Variants in SNX29 observed in about 807,000 individuals in gnomAD.
The protein encoded by SNX29 is sorting nexin-29.
In SNX29, 78 loss-of-function variants were observed where a neutral mutation model predicts 102.1. That is an observed-to-expected ratio of 0.76 (90% confidence interval 0.64 to 0.92). SNX29 has a LOEUF of 0.92. Ranked by LOEUF, SNX29 falls within the 40% of genes least tolerant of loss-of-function variation. The pLI is 0.00. For missense variants in SNX29, 1,280 were observed against 1,061.7 expected, an observed-to-expected ratio of 1.21 and a Z score of -2.86; for synonymous variants, 580 against 414.5, an observed-to-expected ratio of 1.40 and a Z score of -4.85.
intron 14 of SNX29, among the ~76,000 whole-genome samples, chr16:12,230,945 C>T (rs563183253): frequency 6.6e-6 from 1 of 152,230 alleles, no homozygotes; most frequent in African/African-American, 2.4e-5. Flanking sequence ...CTCTTGGGTT[C>T]AAGCGATTCT....
chr16:12,335,625 A>G (rs979825987), intron 15 of SNX29, among the ~76,000 whole-genome samples: 2 of 152,292 alleles, frequency 1.3e-5, no homozygotes, highest in Admixed American at 6.5e-5. Context: ...GCAGTGAGCT[A>G]CGATGGTGCT....
chr16:12,097,841 G>T (rs917784861), intron 11 of SNX29, among the ~76,000 whole-genome samples: 1 of 152,202 alleles, frequency 6.6e-6, no homozygotes, highest in Non-Finnish European at 1.5e-5. Flanking sequence ...TGTTTGAGCT[G>T]GGACAGCTCA....
At chr16:12,435,314 A>C (rs895770895) in intron 18 of SNX29, among the ~76,000 whole-genome samples, 5 of 152,180 alleles carry the variant, frequency 3.3e-5, no homozygotes, top group African/African-American at 1.2e-4. Context: ...TCTGCCTTAC[A>C]ACTGTTTCTT....
At chr16:12,063,392 T>TTTTTTTTTTTTTTG (rs2050869606) in intron 9 of SNX29, among the ~76,000 whole-genome samples, 1 of 99,912 alleles carries the variant, frequency 1.0e-5, no homozygotes, top group Non-Finnish European at 2.0e-5. Context: ...TTTTTTTTTT[T>TTTTTTTTTTTTTTG]GAGGTGGAGT....
rs967455325 is a variant in SNX29 at position 12,569,974 on chromosome 16, G to C, written c.*1345G>C. The C allele has an allele frequency of 3.3e-5, 8 of 241,624 alleles. No individual in the cohort carries two copies. The highest frequency in any genetic ancestry group is 1.2e-3 in the Middle Eastern group (1 of 830). 15.0% of individuals were successfully genotyped at this position (241,624 alleles called of 1,614,324 possible). ...CGGTTAGATGGTAAGCCATGGGCTT[G>C]TCCTGGAACTGCTTCAACTCAGTGG... On this transcript the variant is annotated 3_prime_UTR_variant, in exon 21 of 21. Coordinates refer to ENST00000566228, the MANE Select transcript of SNX29 (RefSeq NM_032167.5).
intron 20 of SNX29, among the ~76,000 whole-genome samples, chr16:12,539,058 A>G (rs963332880): frequency 2.0e-5 from 3 of 152,192 alleles, no homozygotes; most frequent in South Asian, 2.1e-4. Context: ...ATCACTGTGT[A>G]TTCTGGGATA....
chr16:12,005,414 T>G (rs112396151), intron 3 of SNX29, among the ~76,000 whole-genome samples: 1,637 of 152,260 alleles, frequency 0.011, 34 homozygotes, highest in African/African-American at 0.037. Context: ...AGGAGCTTGC[T>G]GAGAATTTGC....
rs930863618 is a variant in SNX29, at chr16:12,078,862, G to A, written c.1349G>A (p.Ser450Asn). The A allele has an allele frequency of 6.2e-7, 1 of 1,606,916 alleles. No homozygotes were observed. Residue 450 changes from serine (S) to asparagine (N), a missense_variant, in exon 11 of 21, where the codon AGT (serine) becomes AAT (asparagine). Transcript: ENST00000566228. ...GAAGCCAGCTCTCCAGGCCACGGAA[G>A]TCCTCTGAGCAGCCTGTTACCTTCT... ...SVEASSPGHG[S>N]PLSSLLPSAS...
At chr16:12,289,674 C>G (rs1406652286) in intron 15 of SNX29, among the ~76,000 whole-genome samples, 3 of 152,106 alleles carry the variant, frequency 2.0e-5, no homozygotes, top group Non-Finnish European at 2.9e-5. Flanking sequence ...GAAAATGATC[C>G]AATACTCCTT....
chr16:12,511,947 C>T (rs758119398), intron 19 of SNX29, among the ~76,000 whole-genome samples: 9 of 151,956 alleles, frequency 5.9e-5, no homozygotes, highest in Non-Finnish European at 1.3e-4. Flanking sequence ...CGCATAGAAG[C>T]GACTCGGTTC....
intron 1 of SNX29, among the ~76,000 whole-genome samples, chr16:11,990,708 T>G (rs972363616): frequency 3.9e-5 from 6 of 152,092 alleles, no homozygotes; most frequent in African/African-American, 1.4e-4. Context: ...CCTTGTTCCC[T>G]GCAAGACTCT....
intron 13 of SNX29, among the ~76,000 whole-genome samples, chr16:12,147,763 C>T (rs990102174): frequency 3.9e-5 from 6 of 152,294 alleles, no homozygotes; most frequent in East Asian, 1.9e-4. Flanking sequence ...CTTTCCGGTA[C>T]GGTTCACAAG....
intron 16 of SNX29, among the ~76,000 whole-genome samples, chr16:12,387,035 G>C (rs747210796): frequency 2.0e-5 from 3 of 152,128 alleles, no homozygotes; most frequent in Non-Finnish European, 2.9e-5. Context: ...CAAGGCAGGA[G>C]AATCACTTGA....
At chr16:12,567,816 C>T (rs2079074685) in intron 20 of SNX29, among the ~76,000 whole-genome samples, 1 of 152,130 alleles carries the variant, frequency 6.6e-6, no homozygotes, top group Non-Finnish European at 1.5e-5. Context: ...CTGCTGAGCA[C>T]CCTCTGCTCT....
At chr16:12,353,131 A>G (rs528242701) in intron 15 of SNX29, among the ~76,000 whole-genome samples, 3 of 152,096 alleles carry the variant, frequency 2.0e-5, no homozygotes, top group Non-Finnish European at 2.9e-5. Context: ...CCAAATGTCA[A>G]AGGATGTGAA....
chr16:11,997,855 A>G (rs1361591493), intron 1 of SNX29, among the ~76,000 whole-genome samples: 1 of 152,166 alleles, frequency 6.6e-6, no homozygotes, highest in Non-Finnish European at 1.5e-5. Flanking sequence ...CTCTTAAAAC[A>G]TTGCCTCACA....
intron 13 of SNX29, among the ~76,000 whole-genome samples, chr16:12,134,831 G>A (rs1404324157): frequency 6.6e-6 from 1 of 152,194 alleles, no homozygotes; most frequent in Non-Finnish European, 1.5e-5. Context: ...GTCATCCAGA[G>A]AAACAGACCA....
At chr16:12,514,316 C>T (rs1038636713) in intron 19 of SNX29, among the ~76,000 whole-genome samples, 1 of 152,124 alleles carries the variant, frequency 6.6e-6, no homozygotes, top group Non-Finnish European at 1.5e-5. Context: ...GCTGCCCTAG[C>T]TCCCCCTACC....
chr16:12,095,391 C>G (rs1030586190), intron 11 of SNX29: 1 of 152,186 alleles, frequency 6.6e-6, no homozygotes, highest in Admixed American at 6.5e-5. Context: ...TTTTCTCTGC[C>G]GCTTTCCTTC....
Sources: gnomAD v4.1 joint callset for allele counts (sites outside exome capture counted in the v4.1 genomes callset) on GRCh38, gnomAD v4.1.1 for gene constraint, MANE v1.5 for transcripts, NCBI Gene and HGNC (gene_info 2026-07-23, HGNC 2026-07-21) for gene names.